Variants in ADAM20 observed in about 807,000 individuals in gnomAD.
The protein encoded by ADAM20 is disintegrin and metalloproteinase domain-containing protein 20.
For missense variants in ADAM20, 871 were observed against 883.2 expected (o/e 0.99, Z 0.18); for synonymous variants, 305 against 310.2 (o/e 0.98, Z 0.18).
At chr14:70,571,496 T>C in the ADAM20 span, among the ~76,000 whole-genome samples, 2 of 152,232 alleles carry the variant, frequency 1.3e-5, no homozygotes, top group Non-Finnish European at 2.9e-5. Flanking sequence ...TCCCTATCCA[T>C]GCTGAACTGT....
chr14:70,579,079 T>A, the ADAM20 span, among the ~76,000 whole-genome samples: 1 of 152,158 alleles, frequency 6.6e-6, no homozygotes, highest in Non-Finnish European at 1.5e-5. Flanking sequence ...TAAAATCCAA[T>A]CCACTCTTGA....
At position 70,524,141 on chromosome 14, in the gene ADAM20, T is replaced by C. The variant is rs773624640; in HGVS notation, c.617A>G (p.Gln206Arg). The change falls in exon 2 of 2, where the codon CAG (glutamine) becomes CGG (arginine). Residue 206 changes from glutamine (Q) to arginine (R), a missense_variant. Coordinates refer to ENST00000256389, the MANE Select transcript of ADAM20 (RefSeq NM_003814.5). ...GACCACTACCAGCTCAACAAACCGCTGATGGGTCCACCAGCCCACAAAAGA... is the reference window on the plus strand; with the variant it reads ...GACCACTACCAGCTCAACAAACCGCCGATGGGTCCACCAGCCCACAAAAGA... The part of the protein sequence containing the change: ...QSSFVGWWTH[Q>R]RFVELVVVVD... The C allele has an allele frequency of 1.2e-5, 19 of 1,613,750 alleles. No individual in the cohort carries two copies. Among genetic ancestry groups the C allele is most frequent in the Non-Finnish European group, 1.6e-5 (19 of 1,179,926 alleles).
intron 1 of ADAM20, among the ~76,000 whole-genome samples, chr14:70,534,082 CAAAAAAAAAA>C (rs59828723): frequency 1.1e-4 from 6 of 54,076 alleles, no homozygotes; most frequent in Non-Finnish European, 2.0e-4. Flanking sequence ...GACCCTGTCT[CAAAAAAAAAA>C]AAAAAAAAAA....
chr14:70,570,309 AAAC>A, the ADAM20 span, among the ~76,000 whole-genome samples: 4 of 152,150 alleles, frequency 2.6e-5, no homozygotes, highest in African/African-American at 9.7e-5. Flanking sequence ...ACTGAGACCA[AAAC>A]AACAACAACA....
chr14:70,570,805 GA>G, the ADAM20 span, among the ~76,000 whole-genome samples: 5 of 146,082 alleles, frequency 3.4e-5, no homozygotes, highest in Admixed American at 6.8e-5. Context: ...CAAGGACACA[GA>G]AAAAAAAAAC....
chr14:70,525,203 T>A (rs566468876), intron 1 of ADAM20, among the ~76,000 whole-genome samples: 2 of 152,116 alleles, frequency 1.3e-5, no homozygotes, highest in Non-Finnish European at 2.9e-5. Flanking sequence ...TTTTAATGTA[T>A]GTATTTCTTT....
upstream of ADAM20, among the ~76,000 whole-genome samples, chr14:70,536,887 C>T (rs979230743): frequency 1.3e-5 from 2 of 151,024 alleles, no homozygotes; most frequent in African/African-American, 2.4e-5. Flanking sequence ...CTGTGATAAA[C>T]TCTCTCACCC....
At chr14:70,556,701 T>C in the ADAM20 span, 48,882 of 152,086 alleles carry the variant, frequency 0.32, 9,487 homozygotes, top group East Asian at 0.56. Context: ...GTCGGCCCTC[T>C]GCAAACGCAG....
the ADAM20 span, chr14:70,547,251 G>C: frequency 1.3e-5 from 2 of 152,330 alleles, no homozygotes; most frequent in Admixed American, 6.5e-5. Flanking sequence ...CTTCATTGCT[G>C]AATTCTACTC....
At chr14:70,578,618 T>C in the ADAM20 span, among the ~76,000 whole-genome samples, 1 of 152,146 alleles carries the variant, frequency 6.6e-6, no homozygotes, top group African/African-American at 2.4e-5. Flanking sequence ...ATATCCAGAA[T>C]CTATAAGGAT....
chr14:70,555,764 T>G, the ADAM20 span, among the ~76,000 whole-genome samples: 22 of 152,330 alleles, frequency 1.4e-4, 1 homozygote, highest in Admixed American at 1.4e-3. Flanking sequence ...TCAGTGCAAC[T>G]TTTTCTGCTG....
intron 1 of ADAM20, among the ~76,000 whole-genome samples, chr14:70,526,237 AC>A (rs1322132471): frequency 4.3e-4 from 66 of 152,224 alleles, no homozygotes; most frequent in African/African-American, 1.5e-3. Flanking sequence ...ATTTGGAGAC[AC>A]GTTGTTAACA....
intron 1 of ADAM20, among the ~76,000 whole-genome samples, chr14:70,529,867 ATAAAT>A (rs1883672817): frequency 1.3e-5 from 2 of 152,216 alleles, no homozygotes; most frequent in Admixed American, 6.5e-5. Context: ...TTCTTTAATA[ATAAAT>A]TAAACTTAGC....
intron 1 of ADAM20, among the ~76,000 whole-genome samples, chr14:70,530,317 C>T (rs1174002391): frequency 6.6e-6 from 1 of 152,160 alleles, no homozygotes; most frequent in African/African-American, 2.4e-5. Context: ...CAATAGCATA[C>T]ATGGAGCTGT....
the ADAM20 span, among the ~76,000 whole-genome samples, chr14:70,570,116 A>G: frequency 3.3e-5 from 5 of 151,062 alleles, no homozygotes; most frequent in African/African-American, 9.8e-5. Context: ...CTTGGACAAT[A>G]CACCCACACC....
chr14:70,553,542 A>AC, the ADAM20 span, among the ~76,000 whole-genome samples: 3 of 149,386 alleles, frequency 2.0e-5, no homozygotes, highest in African/African-American at 7.3e-5. Flanking sequence ...AAAAAAAAAA[A>AC]AAAAAACTAG....
chr14:70,523,229 T>C lies in ADAM20; in HGVS notation c.1529A>G (p.Asn510Ser), dbSNP rs1883495172. Residue 510 changes from asparagine to serine, a missense_variant, in exon 2 of 2, where the codon AAC (asparagine) becomes AGC (serine). Transcript: ENST00000256389. ...AATCTCTTTACATTGTATATCATGGTTATTACACGTCTTTTCATAGCAGAA... is the reference window on the plus strand; with the variant it reads ...AATCTCTTTACATTGTATATCATGGCTATTACACGTCTTTTCATAGCAGAA... Reference protein sequence around the residue: ...NAFCYEKTCNNHDIQCKEIFG... With the variant: ...NAFCYEKTCNSHDIQCKEIFG... 6.2e-7 allele frequency: 1 copy of C among 1,613,890 alleles called. No homozygotes were observed. The highest frequency in any genetic ancestry group is 1.7e-5 in the Admixed American group (1 of 59,962).
the ADAM20 span, among the ~76,000 whole-genome samples, chr14:70,550,712 A>T: frequency 1.2e-3 from 47 of 40,134 alleles, no homozygotes; most frequent in East Asian, 5.3e-3. Flanking sequence ...TTCACAGCCG[A>T]ATTCTACCAG....
chr14:70,529,645 A>G (rs1883667672), intron 1 of ADAM20, among the ~76,000 whole-genome samples: 1 of 152,226 alleles, frequency 6.6e-6, no homozygotes, highest in Admixed American at 6.5e-5. Flanking sequence ...ATATTTAAAC[A>G]TAGAAACAGT....
Sources: allele counts gnomAD v4.1 joint callset (sites outside exome capture counted in the v4.1 genomes callset), GRCh38; gene constraint gnomAD v4.1.1; transcripts MANE v1.5; gene names NCBI Gene and HGNC (gene_info 2026-07-23, HGNC 2026-07-21).